Variants in RERG observed in about 807,000 individuals in gnomAD.
The protein encoded by RERG is ras-related and estrogen-regulated growth inhibitor.
Under a neutral mutation model 23.2 loss-of-function variants are expected in RERG, and 25 were observed. The observed-to-expected ratio is 1.08, with a 90% CI of 0.79 to 1.50. RERG has a LOEUF of 1.50. Among genes scored for constraint, RERG ranks in the 40% most tolerant of loss-of-function variants. The probability of loss-of-function intolerance (pLI) is 0.00; values close to 1 mark genes in which losing one functional copy is unlikely to be tolerated. For synonymous variants in RERG, 81 were observed against 89.1 expected, an observed-to-expected ratio of 0.91 and a Z score of 0.51; for missense variants, 253 against 250.1, an observed-to-expected ratio of 1.01 and a Z score of -0.08.
chr12:15,176,514 C>T (rs369635224), intron 2 of RERG, among the ~76,000 whole-genome samples: 3 of 152,052 alleles, frequency 2.0e-5, no homozygotes, highest in East Asian at 3.8e-4. Context: ...CACATTTCTC[C>T]TGTTAAGGGT....
chr12:15,193,073 A>G (rs1865094225), intron 2 of RERG, among the ~76,000 whole-genome samples: 1 of 152,086 alleles, frequency 6.6e-6, no homozygotes, highest in South Asian at 2.1e-4. Flanking sequence ...TTATGCAAAT[A>G]TCCTGTTTCT....
chr12:15,203,172 G>A (rs1393896782), intron 2 of RERG, among the ~76,000 whole-genome samples: 1 of 151,520 alleles, frequency 6.6e-6, no homozygotes, highest in Non-Finnish European at 1.5e-5. Context: ...TTAGACTTTT[G>A]TTTTTGTTTT....
chr12:15,134,246 G>C (rs573974252), intron 2 of RERG, among the ~76,000 whole-genome samples: 1 of 152,152 alleles, frequency 6.6e-6, no homozygotes, highest in South Asian at 2.1e-4. Flanking sequence ...GTAGTTCTGT[G>C]TCTCATTTTG....
In RERG at chr12:15,130,389, C is replaced by G. The variant is rs1325007443; in HGVS notation, c.62-9270G>C. Among the ~76,000 whole-genome samples, 5 of 152,214 alleles carry G rather than the reference C, an allele frequency of 3.3e-5. No homozygotes were observed. In the East Asian group the frequency reaches 9.6e-4, roughly 29 times the overall value. Reference sequence around the variant, plus strand: ...TGGCATCTCTTGCTTTTTATGTTCTCCTCCACCTAAACTCCTCAGATGTTT... The same window carrying G: ...TGGCATCTCTTGCTTTTTATGTTCTGCTCCACCTAAACTCCTCAGATGTTT... On this transcript the variant is annotated intron_variant, in intron 2 of 4. Coordinates refer to ENST00000256953, the MANE Select transcript of RERG (RefSeq NM_032918.3).
rs56033971 is a variant in RERG, at chr12:15,148,847, GTTTTTTTTTTTTTTTT to G, written c.62-27744_62-27729del. 9.4e-3 allele frequency among the ~76,000 whole-genome samples: 427 copies of G among 45,512 alleles called. 4 individuals are homozygous for G. The highest frequency in any genetic ancestry group is 0.031 in the Middle Eastern group (2 of 64). The allele number at this position is 45,512 out of a possible 152,430, so 29.9% of individuals were successfully genotyped here. A position where few individuals can be genotyped will look rare whatever the true frequency, so the allele number is the denominator to read the frequency against. The stretch of plus-strand genomic sequence containing the variant: ...AATTCATTTGCAGTCCTTTAACTCT[GTTTTTTTTTTTTTTTT>G]TTTTTTTTTTTTTTTTTTTTTTTTA... On this transcript the variant is annotated intron_variant, in intron 2 of 4. Transcript: ENST00000256953.
intron 2 of RERG, among the ~76,000 whole-genome samples, chr12:15,178,817 T>G (rs1217683440): frequency 6.6e-6 from 1 of 152,322 alleles, no homozygotes; most frequent in African/African-American, 2.4e-5. Flanking sequence ...AAAAAATGTT[T>G]TCCTGAAGAG....
At chr12:15,110,455 A>ATTT (rs1257915419) in intron 4 of RERG, among the ~76,000 whole-genome samples, 1 of 59,322 alleles carries the variant, frequency 1.7e-5, no homozygotes, top group Admixed American at 1.8e-4. Context: ...TCCAGTGGCC[A>ATTT]TTTTTTTCTT....
chr12:15,159,023 G>A (rs1390718581), intron 2 of RERG, among the ~76,000 whole-genome samples: 1 of 152,142 alleles, frequency 6.6e-6, no homozygotes, highest in African/African-American at 2.4e-5. Flanking sequence ...GGTGACTCCT[G>A]CCTGAATCAA....
intron 2 of RERG, among the ~76,000 whole-genome samples, chr12:15,215,556 A>T (rs1287987554): frequency 2.0e-5 from 3 of 152,214 alleles, no homozygotes; most frequent in Admixed American, 1.3e-4. Flanking sequence ...ATTGTTTGGT[A>T]GTGACCTTAG....
chr12:15,191,716 C>T (rs1303560076), intron 2 of RERG, among the ~76,000 whole-genome samples: 1 of 152,158 alleles, frequency 6.6e-6, no homozygotes, highest in Non-Finnish European at 1.5e-5. Flanking sequence ...ACATCCCTAT[C>T]ATTTATCCCC....
At chr12:15,169,393 C>T (rs145241493) in intron 2 of RERG, among the ~76,000 whole-genome samples, 102 of 152,302 alleles carry the variant, frequency 6.7e-4, no homozygotes, top group Non-Finnish European at 1.2e-3. Flanking sequence ...ATCATCCAAT[C>T]CTTTGAGGCC....
intron 2 of RERG, among the ~76,000 whole-genome samples, chr12:15,123,937 C>G (rs1224556858): frequency 6.6e-6 from 1 of 152,084 alleles, no homozygotes; most frequent in Non-Finnish European, 1.5e-5. Context: ...ATTAAACAAG[C>G]CAAACATGTC....
chr12:15,164,875 A>G (rs1260377375), intron 2 of RERG, among the ~76,000 whole-genome samples: 2 of 152,208 alleles, frequency 1.3e-5, no homozygotes, highest in African/African-American at 4.8e-5. Context: ...GAGAGAATCC[A>G]AAGGGTATTA....
At chr12:15,217,302 T>C (rs1865452995) in intron 2 of RERG, 127 bp downstream of exon 2, 1 of 693,798 alleles carries the variant, frequency 1.4e-6, no homozygotes, top group Non-Finnish European at 2.6e-6. Flanking sequence ...AGAGACTTTA[T>C]CTAAAAGAGT....
intron 2 of RERG, among the ~76,000 whole-genome samples, chr12:15,210,632 T>A (rs1395196591): frequency 6.6e-6 from 1 of 152,228 alleles, no homozygotes; most frequent in Non-Finnish European, 1.5e-5. Flanking sequence ...TTTCTCTTTT[T>A]TCTTCCTGGG....
chr12:15,168,680 T>C (rs1864731309), intron 2 of RERG, among the ~76,000 whole-genome samples: 1 of 152,204 alleles, frequency 6.6e-6, no homozygotes, highest in Non-Finnish European at 1.5e-5. Flanking sequence ...TGCTGGTTCC[T>C]ACTTGAAGAC....
chr12:15,146,034 CTA>C (rs1364834972), intron 2 of RERG, among the ~76,000 whole-genome samples: 1 of 152,136 alleles, frequency 6.6e-6, no homozygotes, highest in East Asian at 1.9e-4. Context: ...AAGCAAAACA[CTA>C]TGCTTGGAAA....
intron 2 of RERG, among the ~76,000 whole-genome samples, chr12:15,208,099 G>GA (rs1402984770): frequency 5.3e-5 from 8 of 152,082 alleles, no homozygotes; most frequent in Non-Finnish European, 8.8e-5. Flanking sequence ...GGCCTTAAGT[G>GA]AAAAAACTGA....
chr12:15,169,924 G>GTGTGTT (rs1864753782), intron 2 of RERG, among the ~76,000 whole-genome samples: 1 of 97,480 alleles, frequency 1.0e-5, no homozygotes, highest in African/African-American at 5.0e-5. Context: ...CTAAAAATGT[G>GTGTGTT]TGTGTGTGTG....
Sources: gnomAD v4.1 joint callset for allele counts (sites outside exome capture counted in the v4.1 genomes callset) on GRCh38, gnomAD v4.1.1 for gene constraint, MANE v1.5 for transcripts, NCBI Gene and HGNC (gene_info 2026-07-23, HGNC 2026-07-21) for gene names.